Variants in RDX observed in about 807,000 individuals in gnomAD.
RDX encodes deafness, autosomal recessive 24.
In RDX, 32 loss-of-function variants were observed where a neutral mutation model predicts 83.7. The observed-to-expected ratio is 0.38, with a 90% confidence interval of 0.29 to 0.51. The LOEUF is 0.51. Ranked by LOEUF, RDX falls within the 20% of genes least tolerant of loss-of-function variation. RDX has a pLI of 0.87. For synonymous variants in RDX, 229 were observed against 222.7 expected (o/e 1.03, Z -0.25); for missense variants, 600 against 689.9 (o/e 0.87, Z 1.46).
At chr11:110,285,733 A>G (rs911267574) in intron 1 of RDX, among the ~76,000 whole-genome samples, 3 of 150,982 alleles carry the variant, frequency 2.0e-5, no homozygotes, top group Non-Finnish European at 3.0e-5. Context: ...AAAAAAAAAA[A>G]AGAGACATTT....
intron 15 of RDX, among the ~76,000 whole-genome samples, chr11:110,195,004 T>C (rs9735165): frequency 7.6e-4 from 108 of 142,574 alleles, no homozygotes; most frequent in African/African-American, 2.9e-3. Context: ...TGTTTTGTTT[T>C]GTTTGAGACA....
chr11:110,224,104 A>G (rs1434727233), intron 14 of RDX, among the ~76,000 whole-genome samples: 3 of 152,162 alleles, frequency 2.0e-5, no homozygotes, highest in Non-Finnish European at 4.4e-5. Flanking sequence ...CAGCCAGGAA[A>G]TAATTGTGCC....
chr11:110,185,388 G>T (rs757171705), intron 15 of RDX: 13 of 152,354 alleles, frequency 8.5e-5, no homozygotes, highest in Non-Finnish European at 1.8e-4. Flanking sequence ...GGTTCTTCTG[G>T]AGTTTGAGGG....
intron 10 of RDX, among the ~76,000 whole-genome samples, chr11:110,241,276 T>TATC (rs755434804): frequency 6.6e-6 from 1 of 152,080 alleles, no homozygotes. Flanking sequence ...CAAGCTGGCC[T>TATC]ATCAAACTTT....
intron 15 of RDX, chr11:110,181,779 C>T (rs1041337290): frequency 6.6e-6 from 1 of 152,632 alleles, no homozygotes; most frequent in African/African-American, 2.4e-5. Flanking sequence ...CACACATACA[C>T]CAGGTGGCTT....
chr11:110,265,091 AAAG>A (rs1486729851), intron 3 of RDX, among the ~76,000 whole-genome samples: 2 of 148,170 alleles, frequency 1.3e-5, no homozygotes, highest in African/African-American at 2.5e-5. Context: ...TTTTTTTTGA[AAAG>A]AAGTTTTTTT....
At chr11:110,225,241 A>G (rs1164188176), downstream of RDX, among the ~76,000 whole-genome samples, 1 of 152,240 alleles carries the variant, frequency 6.6e-6, no homozygotes, top group Non-Finnish European at 1.5e-5. Flanking sequence ...ACAAAATTGG[A>G]CTTCATCAAA....
At chr11:110,267,565 C>T (rs945519482) in intron 3 of RDX, among the ~76,000 whole-genome samples, 1 of 140,770 alleles carries the variant, frequency 7.1e-6, no homozygotes, top group Non-Finnish European at 1.6e-5. Flanking sequence ...CACACACACA[C>T]AAATAATCTT....
intron 15 of RDX, among the ~76,000 whole-genome samples, chr11:110,183,840 A>AC (rs1465168490): frequency 2.6e-5 from 4 of 152,246 alleles, no homozygotes; most frequent in Non-Finnish European, 4.4e-5. Flanking sequence ...ATTCAGCAGG[A>AC]GTAGGCAAGA....
rs1859124419 is a variant in RDX at position 110,246,784 on chromosome 11, A to C, written c.1090+919T>G. On this transcript the variant is annotated intron_variant, in intron 10 of 13. Coordinates refer to ENST00000645495, the MANE Select transcript of RDX (RefSeq NM_002906.4). ...AAAAAAGCTCCGATTTTGGATTTTC[A>C]GATTTGAAATGCTCAATAGGACAAT... Among the ~76,000 whole-genome samples the C allele has an allele frequency of 2.7e-5, 4 of 150,680 alleles. No individual in the cohort carries two copies. The South Asian group carries it at 6.2e-4, about 23-fold the overall frequency.
chr11:110,239,037 C>T (rs1490133355), intron 10 of RDX, among the ~76,000 whole-genome samples: 3 of 150,834 alleles, frequency 2.0e-5, no homozygotes, highest in East Asian at 3.9e-4. Context: ...CCAGCACTTT[C>T]GAAGGGAAAG....
At chr11:110,284,075 AAAAT>A (rs1860878000) in intron 1 of RDX, among the ~76,000 whole-genome samples, 1 of 152,242 alleles carries the variant, frequency 6.6e-6, no homozygotes, top group South Asian at 2.1e-4. Flanking sequence ...TTAAACTAGC[AAAAT>A]AAATATTAAT....
At chr11:110,235,873 T>C (rs923122386) in intron 12 of RDX, among the ~76,000 whole-genome samples, 6 of 152,240 alleles carry the variant, frequency 3.9e-5, no homozygotes, top group Non-Finnish European at 7.3e-5. Flanking sequence ...AGCTTAAATG[T>C]ATATGGGTCT....
At chr11:110,258,622 A>G (rs533041795) in intron 5 of RDX, among the ~76,000 whole-genome samples, 8 of 152,148 alleles carry the variant, frequency 5.3e-5, no homozygotes, top group Admixed American at 4.6e-4. Context: ...AGTTCAAAGG[A>G]ATAAAACATT....
At chr11:110,179,903 CTTT>C (rs528601645) in intron 15 of RDX, 895 of 361,242 alleles carry the variant, frequency 2.5e-3, no homozygotes, top group South Asian at 3.7e-3. Flanking sequence ...TTTCTTTTTT[CTTT>C]TTTTTTTTTT....
At chr11:110,199,558 C>T (rs906119293) in intron 15 of RDX, 2 of 702,616 alleles carry the variant, frequency 2.8e-6, no homozygotes, top group Admixed American at 4.0e-5. Flanking sequence ...CTGGCCCTGG[C>T]CACGGCTGCC....
At chr11:110,295,642 G>GGAAAA (rs1555051124) in intron 1 of RDX, among the ~76,000 whole-genome samples, 1 of 122,256 alleles carries the variant, frequency 8.2e-6, no homozygotes, top group African/African-American at 3.2e-5. Flanking sequence ...TGTTTAAACT[G>GGAAAA]AAAAAAAAAA....
intron 9 of RDX, 63 bp downstream of exon 9, chr11:110,253,883 C>A (rs1486509133): frequency 2.2e-6 from 3 of 1,393,678 alleles, no homozygotes; most frequent in Admixed American, 1.7e-5. Context: ...AAAAACTGAG[C>A]AGTCTTAAAT....
At chr11:110,270,442 GC>G (rs1467575700) in intron 3 of RDX, among the ~76,000 whole-genome samples, 2 of 152,068 alleles carry the variant, frequency 1.3e-5, no homozygotes, top group African/African-American at 4.8e-5. Context: ...TGCATAAGTG[GC>G]CCGTCACTGA....
Sources: allele counts gnomAD v4.1 joint callset (sites outside exome capture counted in the v4.1 genomes callset), GRCh38; gene constraint gnomAD v4.1.1; transcripts MANE v1.5; gene names NCBI Gene and HGNC (gene_info 2026-07-23, HGNC 2026-07-21).